The following STAC2 variants were observed in gnomAD, a reference collection of about 807,000 sequenced individuals.
The protein encoded by STAC2 is SH3 and cysteine-rich domain-containing protein 2.
In STAC2, 36 loss-of-function variants were observed where a neutral mutation model predicts 49.0. That is an observed-to-expected ratio of 0.74 (90% CI 0.56 to 0.97). STAC2 has a LOEUF of 0.97. Among genes scored for constraint, STAC2 ranks in the 50% least tolerant of loss-of-function variants. The pLI is 0.00. For synonymous variants in STAC2, 239 were observed against 214.7 expected, an observed-to-expected ratio of 1.11 and a Z score of -0.99; for missense variants, 527 against 543.8, an observed-to-expected ratio of 0.97 and a Z score of 0.31.
At chr17:39,216,124 T>C (rs1450228280) in intron 4 of STAC2, among the ~76,000 whole-genome samples, 1 of 152,144 alleles carries the variant, frequency 6.6e-6, no homozygotes, top group Non-Finnish European at 1.5e-5. Context: ...TTCCCTGATT[T>C]TGCAGATGAA....
At chr17:39,213,365 G>A in intron 9 of STAC2, 142 bp downstream of exon 9, 1 of 1,208,934 alleles carries the variant, frequency 8.3e-7, no homozygotes, top group Non-Finnish European at 1.2e-6. Flanking sequence ...CCCAAGGGTT[G>A]GTCCTAGTTT....
chr17:39,217,563 AT>A, intron 2 of STAC2, among the ~76,000 whole-genome samples: 1 of 152,112 alleles, frequency 6.6e-6, no homozygotes, highest in African/African-American at 2.4e-5. Flanking sequence ...TCTACAAAAA[AT>A]ATTTTAAAAT....
chr17:39,212,866 A>C, intron 10 of STAC2, 129 bp downstream of exon 10: 1 of 1,452,182 alleles, frequency 6.9e-7, no homozygotes, highest in Non-Finnish European at 9.2e-7. Context: ...CTTTCTTTCT[A>C]ACCCGCTTTC....
intron 8 of STAC2, 89 bp from the exon 9 acceptor site, chr17:39,213,647 C>T: frequency 9.1e-7 from 1 of 1,101,268 alleles, no homozygotes; most frequent in Non-Finnish European, 1.4e-6. Context: ...GGGGACACTG[C>T]AGTCCTCAGC....
chr17:39,213,083 C>T lies in STAC2; in HGVS notation c.1043G>A (p.Arg348Gln), dbSNP rs1277520723. The change falls in exon 10 of 11, where the codon CGG becomes CAG. Residue 348 changes from arginine (R) to glutamine (Q), a missense_variant. Coordinates refer to ENST00000333461, the MANE Select transcript of STAC2 (RefSeq NM_198993.5). ...CCAAACATTCTCGCCTGGCCTCACC[C>T]GTTGCACAAAATTAGCTGGGAAGAA... ...VGFFPANFVQRVRPGENVWRC... is the reference protein window; with the variant it reads ...VGFFPANFVQQVRPGENVWRC... 5.6e-6 allele frequency: 9 copies of T among 1,613,164 alleles called. No individual in the cohort carries two copies. Among genetic ancestry groups the T allele is most frequent in the East Asian group, 4.5e-5 (2 of 44,886 alleles).
intron 1 of STAC2, among the ~76,000 whole-genome samples, chr17:39,219,086 A>G (rs1484109941): frequency 1.3e-5 from 2 of 151,962 alleles, no homozygotes; most frequent in African/African-American, 4.8e-5. Context: ...CCTGTCCTCC[A>G]TACAGCTGTT....
At chr17:39,214,584 G>C (rs1476124881) in intron 7 of STAC2, among the ~76,000 whole-genome samples, 2 of 152,164 alleles carry the variant, frequency 1.3e-5, no homozygotes, top group Admixed American at 6.5e-5. Context: ...GAAGAAATGG[G>C]TGCAATGGGC....
intron 1 of STAC2, among the ~76,000 whole-genome samples, chr17:39,224,856 GC>G (rs2046496048): frequency 3.3e-5 from 5 of 152,040 alleles, no homozygotes; most frequent in Admixed American, 2.6e-4. Context: ...GCGTCCCCGA[GC>G]CCAACAGGGC....
At position 39,218,032 on chromosome 17, in the gene STAC2, A is replaced by C; in HGVS notation, c.232T>G (p.Ser78Ala). 2 of 901,174 alleles carry C rather than the reference A, an allele frequency of 2.2e-6. No individual in the cohort carries two copies. Among genetic ancestry groups the C allele is most frequent in the Non-Finnish European group, 3.1e-6 (2 of 639,924 alleles). The allele number at this position is 901,174 out of a possible 1,614,324, so 55.8% of individuals were successfully genotyped here. Reference sequence around the variant, plus strand: ...CTGTCCGAGGCTGTGGGTGGTGGGGAGGGAGGGGGCAGTGGGGTTGGGGGC... The same window carrying C: ...CTGTCCGAGGCTGTGGGTGGTGGGGCGGGAGGGGGCAGTGGGGTTGGGGGC... ...LTPPTPLPPP[S>A]PPPTASDRGL... The change falls in exon 2 of 11, where the codon TCC becomes GCC. Residue 78 changes from serine to alanine, a missense_variant. Coordinates refer to ENST00000333461, the MANE Select transcript of STAC2 (RefSeq NM_198993.5).
chr17:39,219,913 C>A (rs770591737), intron 1 of STAC2, among the ~76,000 whole-genome samples: 2 of 152,168 alleles, frequency 1.3e-5, no homozygotes, highest in Non-Finnish European at 2.9e-5. Context: ...GGGTAGCCTA[C>A]GTGCCATGGC....
chr17:39,217,302 C>T lies in STAC2; in HGVS notation c.398-129G>A, dbSNP rs2046414466. 4.9e-6 allele frequency: 4 copies of T among 815,588 alleles called. No homozygotes were observed. The South Asian group carries it at 6.2e-5, about 13-fold the overall frequency. The allele number at this position is 815,588 out of a possible 1,614,324, so 50.5% of individuals were successfully genotyped here. On this transcript the variant is annotated intron_variant, in intron 2 of 10. Transcript: ENST00000333461. ...CCAGCCTTGAGGCCCAGCACCTACC[C>T]CTCACACAGTCAGGGTATGAGGGAG... is the stretch of plus-strand genomic sequence containing the variant.
At position 39,225,207 on chromosome 17, in the gene STAC2, G is replaced by A. The variant is rs1205353337; in HGVS notation, c.90+206C>T. Among the ~76,000 whole-genome samples, 1 of 152,176 alleles carries A rather than the reference G, an allele frequency of 6.6e-6. No individual in the cohort carries two copies. Among genetic ancestry groups the A allele is most frequent in the Non-Finnish European group, 1.5e-5 (1 of 68,006 alleles). ...TCCCCAGAAGGTCGCGATGGCGCGCGCGGGCGTGCGGTGCCGGTGTGATCG... is the reference window on the plus strand; with the variant it reads ...TCCCCAGAAGGTCGCGATGGCGCGCACGGGCGTGCGGTGCCGGTGTGATCG... On this transcript the variant is annotated intron_variant, in intron 1 of 10. Transcript: ENST00000333461. The surrounding 1 kb of genome is among the most constrained non-coding windows in gnomAD (Gnocchi z 8.2).
chr17:39,223,172 C>A (rs1169989035), intron 1 of STAC2, among the ~76,000 whole-genome samples: 1 of 152,168 alleles, frequency 6.6e-6, no homozygotes, highest in African/African-American at 2.4e-5. Flanking sequence ...AGGGCATTGG[C>A]CCCCTCTGTT....
At chr17:39,220,887 C>G (rs1231267595) in intron 1 of STAC2, among the ~76,000 whole-genome samples, 1 of 151,928 alleles carries the variant, frequency 6.6e-6, no homozygotes, top group African/African-American at 2.4e-5. Context: ...AGCTCCGCCT[C>G]CCGGGTACAC....
intron 4 of STAC2, among the ~76,000 whole-genome samples, chr17:39,216,380 C>G (rs1288550767): frequency 6.6e-6 from 1 of 152,210 alleles, no homozygotes; most frequent in Non-Finnish European, 1.5e-5. Flanking sequence ...CCATTTCAGT[C>G]CTATCTCCTT....
intron 10 of STAC2, 64 bp downstream of exon 10, chr17:39,212,931 G>A: frequency 6.3e-7 from 1 of 1,592,304 alleles, no homozygotes; most frequent in South Asian, 1.1e-5. Flanking sequence ...CCGCACCGCA[G>A]CCTGTCTCCC....
intron 7 of STAC2, 24 bp downstream of exon 7, chr17:39,214,767 G>C: frequency 6.2e-7 from 1 of 1,612,086 alleles, no homozygotes; most frequent in Non-Finnish European, 8.5e-7. Context: ...CTGACCTTCC[G>C]GGCCAATGCC....
At chr17:39,214,206 C>T (rs745866413) in intron 8 of STAC2, 27 bp downstream of exon 8, 69 of 1,611,572 alleles carry the variant, frequency 4.3e-5, no homozygotes, top group Middle Eastern at 1.7e-4. Flanking sequence ...AGCTGCCCAG[C>T]GGGGCCAGGT....
chr17:39,221,313 C>T (rs2046460589), intron 1 of STAC2, among the ~76,000 whole-genome samples: 1 of 150,436 alleles, frequency 6.6e-6, no homozygotes, highest in African/African-American at 2.5e-5. Flanking sequence ...ATTGGCTAGG[C>T]TGCTCTCGAA....
Sources: allele counts gnomAD v4.1 joint callset (sites outside exome capture counted in the v4.1 genomes callset), GRCh38; gene constraint gnomAD v4.1.1; non-coding constraint Gnocchi (gnomAD v3.1); transcripts MANE v1.5; gene names NCBI Gene and HGNC (gene_info 2026-07-23, HGNC 2026-07-21).